Variants in PTPRN2 observed in about 807,000 individuals in gnomAD.
PTPRN2 encodes the protein protein tyrosine phosphatase receptor type N2, also known as receptor-type tyrosine-protein phosphatase N2.
In PTPRN2, 74 loss-of-function variants were observed where a neutral mutation model predicts 118.8. The observed-to-expected ratio is 0.62, with a 90% CI of 0.52 to 0.76. The LOEUF (loss-of-function observed/expected upper bound fraction) is 0.76. Among genes scored for constraint, PTPRN2 ranks in the 30% least tolerant of loss-of-function variants. The pLI is 0.00. For synonymous variants in PTPRN2, 641 were observed against 608.0 expected, an observed-to-expected ratio of 1.05 and a Z score of -0.80; for missense variants, 1,481 against 1,394.4, an observed-to-expected ratio of 1.06 and a Z score of -0.99.
At chr7:158,586,888 G>A (rs1020613228) in intron 1 of PTPRN2, among the ~76,000 whole-genome samples, 1 of 152,146 alleles carries the variant, frequency 6.6e-6, no homozygotes, top group African/African-American at 2.4e-5. Context: ...TCCAGGGCCA[G>A]GGGAGTGCCG....
chr7:158,576,233 C>T (rs1342538162), intron 1 of PTPRN2, among the ~76,000 whole-genome samples: 1 of 152,170 alleles, frequency 6.6e-6, no homozygotes, highest in African/African-American at 2.4e-5. Flanking sequence ...ACTGCCAGCC[C>T]GGGCTGCCTG....
At chr7:158,270,626 G>A (rs546510265) in intron 3 of PTPRN2, among the ~76,000 whole-genome samples, 5 of 152,044 alleles carry the variant, frequency 3.3e-5, no homozygotes, top group Non-Finnish European at 5.9e-5. Context: ...GGAAGGTTTC[G>A]ACCACTGTTA....
chr7:158,467,128 T>G (rs1819455301), intron 2 of PTPRN2, among the ~76,000 whole-genome samples: 1 of 152,208 alleles, frequency 6.6e-6, no homozygotes, highest in Non-Finnish European at 1.5e-5. Context: ...AGAGGGTAAG[T>G]CACTGGGGCT....
chr7:157,697,260 T>G (rs200980073), intron 12 of PTPRN2, among the ~76,000 whole-genome samples: 2,234 of 109,254 alleles, frequency 0.02, 44 homozygotes, highest in African/African-American at 0.041. Flanking sequence ...ATGCATACTG[T>G]GTCTTGGCAG....
intron 11 of PTPRN2, among the ~76,000 whole-genome samples, chr7:157,906,665 C>T (rs1046998082): frequency 2.6e-5 from 4 of 151,966 alleles, no homozygotes; most frequent in African/African-American, 9.7e-5. Context: ...CATTGCAAAC[C>T]TTCTTAAAGC....
intron 2 of PTPRN2, among the ~76,000 whole-genome samples, chr7:158,365,747 A>G (rs1356141931): frequency 7.0e-5 from 10 of 143,544 alleles, no homozygotes; most frequent in African/African-American, 2.6e-4. Flanking sequence ...CCCTGGGAGA[A>G]GCCGAAGCCC....
intron 11 of PTPRN2, among the ~76,000 whole-genome samples, chr7:157,980,402 G>T (rs1803046747): frequency 6.6e-6 from 1 of 152,176 alleles, no homozygotes; most frequent in Non-Finnish European, 1.5e-5. Context: ...CCAGCTATTT[G>T]TCGGAGTTGG....
intron 12 of PTPRN2, among the ~76,000 whole-genome samples, chr7:157,849,705 A>G (rs1809129897): frequency 6.6e-6 from 1 of 152,192 alleles, no homozygotes; most frequent in Non-Finnish European, 1.5e-5. Flanking sequence ...ACATCAGCCT[A>G]GGATCCACTA....
chr7:158,487,078 C>T (rs1220957265), intron 2 of PTPRN2, among the ~76,000 whole-genome samples: 1 of 152,190 alleles, frequency 6.6e-6, no homozygotes, highest in East Asian at 1.9e-4. Context: ...GCCTCAAGCT[C>T]CCCCCATGTT....
intron 12 of PTPRN2, among the ~76,000 whole-genome samples, chr7:157,772,805 C>T (rs1802964702): frequency 6.6e-6 from 1 of 152,268 alleles, no homozygotes; most frequent in Non-Finnish European, 1.5e-5. Context: ...TTTGCATCTT[C>T]TTTCTTCTCT....
intron 11 of PTPRN2, among the ~76,000 whole-genome samples, chr7:157,981,868 G>A (rs1280382237): frequency 6.6e-6 from 1 of 152,290 alleles, no homozygotes; most frequent in Non-Finnish European, 1.5e-5. Context: ...TTCTCCAAAT[G>A]CAGCCCTTAC....
chr7:157,958,312 G>T (rs1007911389), intron 11 of PTPRN2, among the ~76,000 whole-genome samples: 2 of 152,146 alleles, frequency 1.3e-5, no homozygotes, highest in African/African-American at 4.8e-5. Context: ...GTAAAAGATG[G>T]AAGACTTTTC....
intron 2 of PTPRN2, among the ~76,000 whole-genome samples, chr7:158,342,620 A>G (rs113154889): frequency 6.6e-6 from 1 of 151,796 alleles, no homozygotes. Context: ...GCTGACATCT[A>G]CAGACATCAC....
Position 157,978,517 on chromosome 7 carries a change from A to G in PTPRN2, c.1724-79780T>C, listed in dbSNP as rs530441953. 6.6e-5 allele frequency among the ~76,000 whole-genome samples: 10 copies of G among 152,124 alleles called. No individual in the cohort carries two copies. In the South Asian group the frequency reaches 2.1e-3, roughly 32 times the overall value. On this transcript the variant is annotated intron_variant, in intron 11 of 22. Transcript: ENST00000389418. ...AGTTTCTGGCAAGGCAAGTCCATTC[A>G]TTCACACCTAAAGCTACAGCATTTG...
chr7:157,838,944 G>C (rs1420153993), intron 12 of PTPRN2, among the ~76,000 whole-genome samples: 1 of 138,454 alleles, frequency 7.2e-6, no homozygotes, highest in East Asian at 2.1e-4. Flanking sequence ...CCTCTCCACT[G>C]TGGCTACTCC....
chr7:158,076,452 T>C (rs1254267680), intron 11 of PTPRN2, among the ~76,000 whole-genome samples: 1 of 152,216 alleles, frequency 6.6e-6, no homozygotes, highest in Non-Finnish European at 1.5e-5. Flanking sequence ...GGACCAATGC[T>C]GCAGCAGCAA....
At chr7:157,770,254 A>G (rs1240354843) in intron 12 of PTPRN2, among the ~76,000 whole-genome samples, 1 of 152,268 alleles carries the variant, frequency 6.6e-6, no homozygotes, top group Non-Finnish European at 1.5e-5. Context: ...TAGATAGAAT[A>G]TGACTGGAGG....
Position 158,133,720 on chromosome 7 carries a change from G to A in PTPRN2, c.1513C>T (p.Pro505Ser). 6.2e-7 allele frequency: 1 copy of A among 1,610,126 alleles called. No homozygotes were observed. Among genetic ancestry groups the A allele is most frequent in the South Asian group, 1.1e-5 (1 of 90,974 alleles). The change falls in exon 9 of 23, where the codon CCT becomes TCT. Residue 505 changes from proline (P) to serine (S), a missense_variant. Transcript: ENST00000389418. ...LSDGLQLEVQ[P>S]SEEEARGYIV... ...TAGCCCCGCGCCTCTTCCTCGGAAG[G>A]CTGGACCTCCAATTGCAGGCCGTCG...
At chr7:158,004,216 G>T (rs953953151) in intron 11 of PTPRN2, among the ~76,000 whole-genome samples, 1 of 152,100 alleles carries the variant, frequency 6.6e-6, no homozygotes, top group African/African-American at 2.4e-5. Context: ...AAGTAGGCAG[G>T]GTCTAGGGGC....
Sources: allele counts gnomAD v4.1 joint callset (sites outside exome capture counted in the v4.1 genomes callset), GRCh38; gene constraint gnomAD v4.1.1; transcripts MANE v1.5; gene names NCBI Gene and HGNC (gene_info 2026-07-23, HGNC 2026-07-21).